PCDHA8: variants seen among roughly 807,000 people sequenced by gnomAD.
The protein encoded by PCDHA8 is protocadherin alpha 8, also known as protocadherin alpha-8.
Under a neutral mutation model 61.8 loss-of-function variants are expected in PCDHA8, and 53 were observed. The observed-to-expected ratio is 0.86, with a 90% CI of 0.69 to 1.08. The LOEUF is 1.08. Ranked by LOEUF, PCDHA8 falls within the 50% of genes least tolerant of loss-of-function variation. The pLI is 0.00. For missense variants in PCDHA8, 1,293 were observed against 1,245.0 expected (o/e 1.04, Z -0.58); for synonymous variants, 618 against 556.6 (o/e 1.11, Z -1.55).
chr5:140,854,753 A>G (rs1305589005), intron 1 of PCDHA8: 1 of 149,806 alleles, frequency 6.7e-6, no homozygotes, highest in Non-Finnish European at 1.5e-5. Context: ...GATATATTAC[A>G]TTTTCATTCC....
At chr5:140,899,654 GTC>G (rs1197760857) in intron 1 of PCDHA8, among the ~76,000 whole-genome samples, 4 of 152,276 alleles carry the variant, frequency 2.6e-5, no homozygotes, top group African/African-American at 9.6e-5. Context: ...ATTTGGTTGT[GTC>G]TCTGCCCGGC....
chr5:140,963,529 C>T (rs1332936829), intron 1 of PCDHA8, among the ~76,000 whole-genome samples: 1 of 152,176 alleles, frequency 6.6e-6, no homozygotes, highest in Non-Finnish European at 1.5e-5. Flanking sequence ...ACAGAAGTCC[C>T]ATTTACTTCA....
At chr5:141,008,426 C>T (rs2098375902) in intron 3 of PCDHA8, among the ~76,000 whole-genome samples, 1 of 152,170 alleles carries the variant, frequency 6.6e-6, no homozygotes, top group Non-Finnish European at 1.5e-5. Flanking sequence ...ACTGGGATCA[C>T]TTTGCCCAGA....
rs782723934 is a variant in PCDHA8, at chr5:140,857,452, G to A, written c.2394+13737G>A. The A allele has an allele frequency of 4.4e-6, 7 of 1,598,446 alleles. 1 individual carries two copies. The highest frequency in any genetic ancestry group is 4.3e-6 in the Non-Finnish European group (5 of 1,167,904). ...CGGTGTTCGTGAAGGAGAACAACCC[G>A]CCAGGCTGCCACATCTTCACGGTGT... On this transcript the variant is annotated intron_variant, in intron 1 of 3. Coordinates refer to ENST00000531613, the MANE Select transcript of PCDHA8 (RefSeq NM_018911.3).
intron 1 of PCDHA8, chr5:140,848,872 T>C: frequency 6.3e-7 from 1 of 1,590,738 alleles, no homozygotes; most frequent in Non-Finnish European, 8.6e-7. Flanking sequence ...GTGAAGGACA[T>C]TAACGACAAC....
intron 1 of PCDHA8, chr5:140,928,053 G>C: frequency 6.2e-7 from 1 of 1,614,212 alleles, no homozygotes; most frequent in Non-Finnish European, 8.5e-7. Context: ...CTTTTCAGCT[G>C]ACGGCTTCCT....
At chr5:140,854,065 G>T in intron 1 of PCDHA8, 1 of 276,218 alleles carries the variant, frequency 3.6e-6, no homozygotes, top group Non-Finnish European at 5.5e-6. Context: ...AGGAGGCTGA[G>T]GCGAGAGAAT....
In PCDHA8 at chr5:140,850,578, G is replaced by A. The variant is rs1554144523; in HGVS notation, c.2394+6863G>A. ...CACGGGCCCCGAGGTGACGCTGGTG[G>A]ATGTCAACGTGTACCTGATCATCGC... On this transcript the variant is annotated intron_variant, in intron 1 of 3. Transcript: ENST00000531613. 1.4e-5 allele frequency: 23 copies of A among 1,598,460 alleles called. 2 individuals carry two copies. Among genetic ancestry groups the A allele is most frequent in the Non-Finnish European group, 2.0e-5 (23 of 1,167,876 alleles).
intron 1 of PCDHA8, among the ~76,000 whole-genome samples, chr5:140,934,826 A>C (rs556197038): frequency 1.1e-4 from 17 of 152,294 alleles, no homozygotes; most frequent in South Asian, 1.0e-3. Context: ...TAACTTTGGC[A>C]AGTTGGGAAC....
At chr5:140,863,062 G>T (rs62384481) in intron 1 of PCDHA8, 19 of 565,590 alleles carry the variant, frequency 3.4e-5, no homozygotes, top group Non-Finnish European at 5.9e-5. Flanking sequence ...CCCGTTCCAC[G>T]TGGGGCTCTG....
Position 140,842,992 on chromosome 5 carries a change from C to A in PCDHA8, c.1671C>A (p.Asp557Glu). The A allele has an allele frequency of 6.3e-7, 1 of 1,594,970 alleles. No homozygotes were observed. The highest frequency in any genetic ancestry group is 8.6e-7 in the Non-Finnish European group (1 of 1,165,484). Residue 557 changes from aspartate to glutamate, a missense_variant, in exon 1 of 4, where the codon GAC (aspartate) becomes GAA (glutamate). Coordinates refer to ENST00000531613, the MANE Select transcript of PCDHA8 (RefSeq NM_018911.3). ...TGACGCTGCAGGTGTTCGTGCTGGA[C>A]GAGAATGACAACGCGCCGGCACTGC... ...SNVTLQVFVL[D>E]ENDNAPALLE...
intron 1 of PCDHA8, 76 bp downstream of exon 1, chr5:140,843,791 A>G (rs2150366777): frequency 7.3e-7 from 1 of 1,376,400 alleles, no homozygotes; most frequent in Admixed American, 2.2e-5. Flanking sequence ...TTTCAGATTT[A>G]GTTTTTCACC....
At chr5:140,968,124 G>T (rs202202452) in intron 1 of PCDHA8, 1 of 1,614,126 alleles carries the variant, frequency 6.2e-7, no homozygotes, top group Non-Finnish European at 8.5e-7. Flanking sequence ...ACATCCCTGC[G>T]TACACTGAAG....
intron 1 of PCDHA8, among the ~76,000 whole-genome samples, chr5:140,923,261 A>C (rs570487869): frequency 6.6e-6 from 1 of 152,322 alleles, no homozygotes; most frequent in East Asian, 1.9e-4. Flanking sequence ...CAACATAGTG[A>C]GACCTTGTCT....
At position 141,011,990 on chromosome 5, in the gene PCDHA8, T is replaced by C. The variant is rs1554263765; in HGVS notation, c.*2053T>C. On this transcript the variant is annotated 3_prime_UTR_variant, in exon 4 of 4. Transcript: ENST00000531613. ...ACTGTCTTGTCTACTTTTAGCTTCA[T>C]TCTCCCATATTTTGAAGGGTGTGTA... 1 of 153,772 alleles carries C rather than the reference T, an allele frequency of 6.5e-6. No homozygotes were observed. The highest frequency in any genetic ancestry group is 1.5e-5 in the Non-Finnish European group (1 of 68,038). 9.5% of individuals were successfully genotyped at this position (153,772 alleles called of 1,614,324 possible). A position where few individuals can be genotyped will look rare whatever the true frequency, so the allele number is the denominator to read the frequency against.
intron 1 of PCDHA8, chr5:140,869,103 G>T: frequency 6.2e-7 from 1 of 1,600,312 alleles, no homozygotes; most frequent in Non-Finnish European, 8.5e-7. Context: ...TTTCGTATGC[G>T]ATGTTTGGTT....
rs1562773759 is a variant in PCDHA8 at position 140,882,388 on chromosome 5, A to G, written c.2394+38673A>G. 2.5e-6 allele frequency: 4 copies of G among 1,614,158 alleles called. No individual in the cohort carries two copies. The African/African-American group carries it at 4.0e-5, about 16-fold the overall frequency. Reference sequence around the variant, plus strand: ...ACTACTCCGTCCCCGAGGAAGCAAAACACGGCACCTTCGTGGGCCGCATCG... The same window carrying G: ...ACTACTCCGTCCCCGAGGAAGCAAAGCACGGCACCTTCGTGGGCCGCATCG... On this transcript the variant is annotated intron_variant, in intron 1 of 3. Transcript: ENST00000531613.
rs782609302 is a variant in PCDHA8 at position 140,875,595 on chromosome 5, C to T, written c.2394+31880C>T. The T allele has an allele frequency of 6.2e-6, 10 of 1,613,842 alleles. No individual in the cohort carries two copies. The African/African-American group carries it at 8.0e-5, about 13-fold the overall frequency. ...ACTCCGTCTACGAGGAGGCCAAACA[C>T]GGCACCTTCGTGGGCCGCATCGCTC... On this transcript the variant is annotated intron_variant, in intron 1 of 3. Transcript: ENST00000531613.
At chr5:140,928,044 T>A (rs782342331) in intron 1 of PCDHA8, 1 of 1,614,196 alleles carries the variant, frequency 6.2e-7, no homozygotes, top group South Asian at 1.1e-5. Context: ...GTGCAGGCCC[T>A]TTTCAGCTGA....
Sources: gnomAD v4.1 joint callset for allele counts (sites outside exome capture counted in the v4.1 genomes callset) on GRCh38, gnomAD v4.1.1 for gene constraint, MANE v1.5 for transcripts, NCBI Gene and HGNC (gene_info 2026-07-23, HGNC 2026-07-21) for gene names.